The following GRID1 variants were observed in gnomAD, a reference collection of about 807,000 sequenced individuals.
The protein encoded by GRID1 is glutamate ionotropic receptor delta type subunit 1, also known as glutamate receptor ionotropic, delta-1.
Under a neutral mutation model 98.0 loss-of-function variants are expected in GRID1, and 28 were observed. That is an observed-to-expected ratio of 0.29 (90% CI 0.21 to 0.39). The LOEUF is 0.39. GRID1 is among the 10% of genes least tolerant of loss of function. The pLI is 1.00. For missense variants in GRID1, 1,111 were observed against 1,340.5 expected, an observed-to-expected ratio of 0.83 and a Z score of 2.67; for synonymous variants, 553 against 538.5, an observed-to-expected ratio of 1.03 and a Z score of -0.37.
In GRID1 at chr10:85,737,673, T is replaced by TATATATATATATATAA. The variant is rs1342754070; in HGVS notation, c.1234-8060_1234-8059insTTATATATATATATAT. ...ATATATATATATATATATATATATATAAACATATATGGTTATATATATATA... is the reference window on the plus strand; with the variant it reads ...ATATATATATATATATATATATATATATATATATATATATAAAAACATATATGGTTATATATATATA... On this transcript the variant is annotated intron_variant, in intron 8 of 15. Transcript: ENST00000327946. Among the ~76,000 whole-genome samples, 358 of 112,948 alleles carry TATATATATATATATAA rather than the reference T, an allele frequency of 3.2e-3. 13 individuals are homozygous for TATATATATATATATAA. Among genetic ancestry groups the TATATATATATATATAA allele is most frequent in the South Asian group, 9.7e-3 (35 of 3,608 alleles). The allele number at this position is 112,948 out of a possible 152,430, so 74.1% of individuals were successfully genotyped here.
In GRID1 at chr10:86,239,505, A is replaced by G. The variant is rs891452690; in HGVS notation, c.236-32857T>C. Among the ~76,000 whole-genome samples, 9 of 152,350 alleles carry G rather than the reference A, an allele frequency of 5.9e-5. No homozygotes were observed. The South Asian group carries it at 1.9e-3, about 32-fold the overall frequency. On this transcript the variant is annotated intron_variant, in intron 2 of 15. Coordinates refer to ENST00000327946, the MANE Select transcript of GRID1 (RefSeq NM_017551.3). ...TAAAAAATGAGACTTGGGAGGGGCCAAGGACAGAATAATATGGTTTGGATT... is the reference window on the plus strand; with the variant it reads ...TAAAAAATGAGACTTGGGAGGGGCCGAGGACAGAATAATATGGTTTGGATT...
chr10:86,181,357 T>C (rs1055936453), intron 3 of GRID1, among the ~76,000 whole-genome samples: 2 of 152,144 alleles, frequency 1.3e-5, no homozygotes, highest in African/African-American at 4.8e-5. Flanking sequence ...GTGCTTGTTC[T>C]CAGAGGTGCA....
At chr10:85,849,215 G>A (rs1843035129) in intron 8 of GRID1, among the ~76,000 whole-genome samples, 1 of 152,208 alleles carries the variant, frequency 6.6e-6, no homozygotes, top group Non-Finnish European at 1.5e-5. Context: ...ATCTGCACGA[G>A]GATGTTAATG....
chr10:86,091,466 A>AGTCTT (rs1247925725), intron 4 of GRID1, among the ~76,000 whole-genome samples: 9 of 152,044 alleles, frequency 5.9e-5, no homozygotes, highest in Non-Finnish European at 8.8e-5. Flanking sequence ...CATCCCCCAC[A>AGTCTT]GCAGCCACAG....
chr10:85,866,130 A>G (rs2131790276), intron 6 of GRID1, among the ~76,000 whole-genome samples: 1 of 150,788 alleles, frequency 6.6e-6, no homozygotes, highest in African/African-American at 2.4e-5. Flanking sequence ...CCTAAAATAC[A>G]AAGCCTCTCA....
intron 2 of GRID1, among the ~76,000 whole-genome samples, chr10:86,289,298 G>A (rs1186294455): frequency 1.3e-5 from 2 of 152,172 alleles, no homozygotes; most frequent in African/African-American, 2.4e-5. Context: ...GGAAGGGCCT[G>A]GAGACCACTG....
intron 8 of GRID1, among the ~76,000 whole-genome samples, chr10:85,793,629 C>T (rs1309840891): frequency 6.6e-6 from 1 of 152,154 alleles, no homozygotes; most frequent in Admixed American, 6.5e-5. Context: ...TTTGGCATCT[C>T]TGCTACGCTC....
intron 5 of GRID1, among the ~76,000 whole-genome samples, chr10:85,886,758 A>G (rs576687577): frequency 6.6e-6 from 1 of 152,344 alleles, no homozygotes; most frequent in South Asian, 2.1e-4. Flanking sequence ...TTCAAAATAT[A>G]TATTTTGGCA....
intron 10 of GRID1, 93 bp downstream of exon 10, chr10:85,727,762 C>T (rs1284457269): frequency 6.5e-6 from 6 of 926,414 alleles, no homozygotes; most frequent in Non-Finnish European, 1.0e-5. Context: ...TTAGCTGGTC[C>T]CAAGGTTTCC....
At chr10:86,152,079 G>A (rs911370795) in intron 3 of GRID1, among the ~76,000 whole-genome samples, 1 of 152,256 alleles carries the variant, frequency 6.6e-6, no homozygotes, top group African/African-American at 2.4e-5. Context: ...GAGTGCACGA[G>A]AAGGGGTTTG....
At chr10:85,925,496 G>A (rs1002624201) in intron 4 of GRID1, among the ~76,000 whole-genome samples, 3 of 152,216 alleles carry the variant, frequency 2.0e-5, no homozygotes, top group African/African-American at 7.2e-5. Context: ...ACACGGCCCT[G>A]GGGTGGCAGG....
intron 3 of GRID1, among the ~76,000 whole-genome samples, chr10:86,204,133 G>A (rs1845992436): frequency 6.6e-6 from 1 of 152,194 alleles, no homozygotes; most frequent in Non-Finnish European, 1.5e-5. Context: ...GAGTGTGACT[G>A]TAGAATACAA....
At chr10:86,300,827 G>A (rs1847675060) in intron 2 of GRID1, among the ~76,000 whole-genome samples, 1 of 152,120 alleles carries the variant, frequency 6.6e-6, no homozygotes, top group African/African-American at 2.4e-5. Context: ...CTCCCACCTG[G>A]AGAATGCACC....
chr10:85,663,967 T>C (rs2132573882), intron 12 of GRID1, among the ~76,000 whole-genome samples: 1 of 152,256 alleles, frequency 6.6e-6, no homozygotes, highest in Non-Finnish European at 1.5e-5. Context: ...AATTAACCTG[T>C]AAAGAGACAC....
chr10:86,287,672 C>T (rs528318755), intron 2 of GRID1, among the ~76,000 whole-genome samples: 12 of 152,208 alleles, frequency 7.9e-5, no homozygotes, highest in Non-Finnish European at 1.6e-4. Flanking sequence ...CAGGTGACCG[C>T]GTATCCTCGT....
Position 85,723,202 on chromosome 10 carries a change from G to A in GRID1, c.1859-61C>T, listed in dbSNP as rs1564570473. On this transcript the variant is annotated intron_variant, in intron 11 of 15. Coordinates refer to ENST00000327946, the MANE Select transcript of GRID1 (RefSeq NM_017551.3). ...TTCTGCTCTCCCTCCTATCCCCAGG[G>A]AGGTGTTCTGCCCTGCAGCCAGGCA... The A allele has an allele frequency of 2.3e-5, 35 of 1,521,786 alleles. 1 individual carries two copies. The South Asian group carries it at 3.7e-4, about 16-fold the overall frequency. The allele number at this position is 1,521,786 out of a possible 1,614,324, so 94.3% of individuals were successfully genotyped here.
intron 4 of GRID1, among the ~76,000 whole-genome samples, chr10:85,918,011 T>C (rs1239741615): frequency 6.6e-6 from 1 of 152,002 alleles, no homozygotes; most frequent in East Asian, 1.9e-4. Context: ...GATGAAGAGG[T>C]GGAGGGAGAA....
chr10:86,017,228 C>T (rs1483646752), intron 4 of GRID1, among the ~76,000 whole-genome samples: 1 of 152,172 alleles, frequency 6.6e-6, no homozygotes, highest in Non-Finnish European at 1.5e-5. Context: ...ATGGGAATAA[C>T]AACTGAAAAT....
At chr10:85,865,955 GGAGAGAGAGA>G (rs11468652) in intron 6 of GRID1, among the ~76,000 whole-genome samples, 2,288 of 84,584 alleles carry the variant, frequency 0.027, 63 homozygotes, top group African/African-American at 0.048. Flanking sequence ...ACATATATAT[GGAGAGAGAGA>G]GAGAGAGAGA....
Sources: gnomAD v4.1 joint callset for allele counts (sites outside exome capture counted in the v4.1 genomes callset) on GRCh38, gnomAD v4.1.1 for gene constraint, MANE v1.5 for transcripts, NCBI Gene and HGNC (gene_info 2026-07-23, HGNC 2026-07-21) for gene names.